PEX1: variants seen among roughly 807,000 people sequenced by gnomAD.
PEX1 encodes the protein peroxisomal biogenesis factor 1.
A neutral mutation model predicts 152.5 loss-of-function variants in PEX1; 97 were observed. That is an observed-to-expected ratio of 0.64 (90% confidence interval 0.54 to 0.75). The LOEUF (loss-of-function observed/expected upper bound fraction) is 0.75. PEX1 is among the 30% of genes least tolerant of loss of function. The probability of loss-of-function intolerance (pLI) is 0.00; values close to 1 mark genes in which losing one functional copy is unlikely to be tolerated. For synonymous variants in PEX1, 485 were observed against 531.6 expected (o/e 0.91, Z 1.21); for missense variants, 1,357 against 1,516.3 (o/e 0.89, Z 1.74).
chr7:92,519,120 T>C (rs1421339364), intron 2 of PEX1, 42 bp from the exon 3 acceptor site: 1 of 1,072,148 alleles, frequency 9.3e-7, no homozygotes, highest in African/African-American at 1.6e-5. Flanking sequence ...AAAAAAACTT[T>C]TCTGTGTCAT....
chr7:92,489,597 G>T, intron 22 of PEX1, 117 bp downstream of exon 22: 1 of 1,051,590 alleles, frequency 9.5e-7, no homozygotes, highest in African/African-American at 1.6e-5. Flanking sequence ...GAGTTAATGT[G>T]TTCTGGTCCC....
intron 21 of PEX1, among the ~76,000 whole-genome samples, chr7:92,490,575 C>T (rs1287677515): frequency 7.3e-6 from 1 of 137,048 alleles, no homozygotes; most frequent in Non-Finnish European, 1.5e-5. Context: ...GTCAAGGCTG[C>T]AGTGAGCCAT....
chr7:92,507,142 A>G lies in PEX1; in HGVS notation c.1671-16T>C. ...ATTCACTCCTCTGTAAAAAATATACATAGTTACATGATAAAAGACTGAAGC... is the reference window on the plus strand; with the variant it reads ...ATTCACTCCTCTGTAAAAAATATACGTAGTTACATGATAAAAGACTGAAGC... On this transcript the variant is annotated splice_polypyrimidine_tract_variant and intron_variant, in intron 9 of 23. Coordinates refer to ENST00000248633, the MANE Select transcript of PEX1 (RefSeq NM_000466.3). 1.2e-6 allele frequency: 2 copies of G among 1,611,492 alleles called. No individual in the cohort carries two copies.
Position 92,501,658 on chromosome 7 carries a change from G to A in PEX1, c.2432C>T (p.Thr811Ile), listed in dbSNP as rs768484736. 5.6e-6 allele frequency: 9 copies of A among 1,613,188 alleles called. No homozygotes were observed. Among genetic ancestry groups the A allele is most frequent in the African/African-American group, 1.3e-5 (1 of 74,858 alleles). Residue 811 changes from threonine to isoleucine, a missense_variant, in exon 15 of 24, where the codon ACA (threonine) becomes ATA (isoleucine). Physicochemically the swap from Thr to Ile is moderately conservative, Grantham distance 89. Transcript: ENST00000248633. Reference protein sequence around the residue: ...ISTREKLVLTTLDFQKALRGF... With the variant: ...ISTREKLVLTILDFQKALRGF... ...GCGGAGAGCCTTTTGGAAGTCCAAT[G>A]TTGTTAAAACTAATTCTGTTTAAAA... is the stretch of plus-strand genomic sequence containing the variant.
chr7:92,527,332 TG>T (rs1793320158), intron 1 of PEX1, among the ~76,000 whole-genome samples: 1 of 152,174 alleles, frequency 6.6e-6, no homozygotes, highest in South Asian at 2.1e-4. Flanking sequence ...AACTTCTACC[TG>T]GAACTTGGTG....
intron 2 of PEX1, among the ~76,000 whole-genome samples, chr7:92,520,955 T>A (rs1793022832): frequency 7.2e-6 from 1 of 138,972 alleles, no homozygotes; most frequent in Non-Finnish European, 1.6e-5. Flanking sequence ...AAAATAGTTA[T>A]AATGAATATG....
At chr7:92,523,374 T>G (rs1793134279) in intron 1 of PEX1, among the ~76,000 whole-genome samples, 1 of 151,614 alleles carries the variant, frequency 6.6e-6, no homozygotes, top group Admixed American at 6.6e-5. Context: ...CAGGCTGGAG[T>G]GCACTGGCAC....
intron 12 of PEX1, among the ~76,000 whole-genome samples, chr7:92,504,398 C>G (rs1792079641): frequency 6.6e-6 from 1 of 152,010 alleles, no homozygotes; most frequent in Admixed American, 6.6e-5. Flanking sequence ...CCTTCTTTTT[C>G]TCCTAGAATT....
intron 12 of PEX1, 92 bp from the exon 13 acceptor site, chr7:92,503,287 T>C: frequency 1.7e-6 from 2 of 1,159,616 alleles, no homozygotes; most frequent in Non-Finnish European, 2.5e-6. Flanking sequence ...TACTCTAAGG[T>C]TGACCTTTAA....
At chr7:92,506,938 G>C in intron 10 of PEX1, 56 bp downstream of exon 10, 1 of 1,584,198 alleles carries the variant, frequency 6.3e-7, no homozygotes, top group Non-Finnish European at 8.7e-7. Flanking sequence ...CCCAAAGAAA[G>C]ATAAATGAAA....
In PEX1 at chr7:92,517,689, T is replaced by C. The variant is rs1792861957; in HGVS notation, c.826A>G (p.Met276Val). Residue 276 changes from methionine to valine, a missense_variant, in exon 5 of 24, where the codon ATG (methionine) becomes GTG (valine). Coordinates refer to ENST00000248633, the MANE Select transcript of PEX1 (RefSeq NM_000466.3). Reference protein sequence around the residue: ...GLTEINAFKNMQSKVVPLDNI... With the variant: ...GLTEINAFKNVQSKVVPLDNI... ...TCTAGAGGAACAACCTTTGACTGCA[T>C]ATTTTTGAATGCATTGATTTCAGTT... 2 of 1,613,704 alleles carry C rather than the reference T, an allele frequency of 1.2e-6. No homozygotes were observed. Among genetic ancestry groups the C allele is most frequent in the Middle Eastern group, 1.6e-4 (1 of 6,062 alleles).
At chr7:92,528,267 C>T in intron 1 of PEX1, 40 bp downstream of exon 1, 1 of 1,547,076 alleles carries the variant, frequency 6.5e-7, no homozygotes. Flanking sequence ...CTCGTCCGAC[C>T]CCAGGCTGAA....
chr7:92,528,252 T>G, intron 1 of PEX1, 55 bp downstream of exon 1: 1 of 1,542,902 alleles, frequency 6.5e-7, no homozygotes, highest in South Asian at 1.2e-5. Context: ...CTGAGAGGCT[T>G]CGGCCTCGTC....
chr7:92,506,980 C>A lies in PEX1; in HGVS notation c.1803+14G>T, dbSNP rs376403633. The A allele has an allele frequency of 7.4e-6, 12 of 1,613,560 alleles. No homozygotes were observed. Among genetic ancestry groups the A allele is most frequent in the Non-Finnish European group, 9.3e-6 (11 of 1,179,546 alleles). On this transcript the variant is annotated intron_variant, in intron 10 of 23. Transcript: ENST00000248633. ...TAAATGTTACAGAAAAATGAACACA[C>A]CTTAACCACTTACCTTTCCTCCTGT...
intron 22 of PEX1, 122 bp downstream of exon 22, chr7:92,489,592 A>G: frequency 9.8e-7 from 1 of 1,025,618 alleles, no homozygotes; most frequent in Non-Finnish European, 1.5e-6. Flanking sequence ...TGACTGAGTT[A>G]ATGTGTTCTG....
chr7:92,514,347 G>T (rs1792622646), intron 5 of PEX1, among the ~76,000 whole-genome samples: 1 of 152,138 alleles, frequency 6.6e-6, no homozygotes. Context: ...TGACCAGATG[G>T]ATGTTCAGAT....
chr7:92,519,536 A>C (rs1259928264), intron 2 of PEX1, among the ~76,000 whole-genome samples: 1 of 152,264 alleles, frequency 6.6e-6, no homozygotes, highest in African/African-American at 2.4e-5. Flanking sequence ...TCAAAAATGA[A>C]AGTAATCATT....
At chr7:92,501,865 T>C in intron 14 of PEX1, 25 bp downstream of exon 14, 1 of 1,586,340 alleles carries the variant, frequency 6.3e-7, no homozygotes, top group Non-Finnish European at 8.7e-7. Flanking sequence ...AGATTCCAAG[T>C]TCAGGTTTTA....
At chr7:92,495,651 G>A (rs1453620215) in intron 17 of PEX1, among the ~76,000 whole-genome samples, 1 of 151,932 alleles carries the variant, frequency 6.6e-6, no homozygotes, top group Non-Finnish European at 1.5e-5. Context: ...CTTTAGCGAT[G>A]TTTCCCTTTT....
Sources: allele counts gnomAD v4.1 joint callset (sites outside exome capture counted in the v4.1 genomes callset), GRCh38; gene constraint gnomAD v4.1.1; transcripts MANE v1.5; gene names NCBI Gene and HGNC (gene_info 2026-07-23, HGNC 2026-07-21).